The following DSCAM variants were observed in gnomAD, a reference collection of about 807,000 sequenced individuals.
The protein encoded by DSCAM is cell adhesion molecule DSCAM.
A neutral mutation model predicts 217.7 loss-of-function variants in DSCAM; 47 were observed. The ratio of observed to expected loss-of-function variants is 0.22; its 90% CI spans 0.17 to 0.28. The LOEUF (loss-of-function observed/expected upper bound fraction) is 0.28. DSCAM is among the 10% of genes least tolerant of loss of function. The pLI is 1.00. For synonymous variants in DSCAM, 1,056 were observed against 1,015.3 expected, an observed-to-expected ratio of 1.04 and a Z score of -0.76; for missense variants, 2,080 against 2,618.3, an observed-to-expected ratio of 0.79 and a Z score of 4.49.
At chr21:40,690,932 G>C (rs887829701) in intron 3 of DSCAM, among the ~76,000 whole-genome samples, 1 of 152,166 alleles carries the variant, frequency 6.6e-6, no homozygotes, top group African/African-American at 2.4e-5. Context: ...GGCCTACTTC[G>C]GGGTGGAGGG....
At chr21:40,773,944 T>C (rs1448444419) in intron 1 of DSCAM, among the ~76,000 whole-genome samples, 1 of 152,178 alleles carries the variant, frequency 6.6e-6, no homozygotes, top group African/African-American at 2.4e-5. Context: ...GAAGACACAG[T>C]AGAAGCTGGG....
At chr21:40,638,610 T>C (rs2089838145) in intron 3 of DSCAM, among the ~76,000 whole-genome samples, 1 of 152,172 alleles carries the variant, frequency 6.6e-6, no homozygotes, top group Non-Finnish European at 1.5e-5. Flanking sequence ...CATTCCCTGA[T>C]TTCAAGCACG....
intron 16 of DSCAM, among the ~76,000 whole-genome samples, chr21:40,156,287 C>CAGGGAGAGAGAG (rs1367145598): frequency 1.3e-5 from 1 of 75,700 alleles, no homozygotes; most frequent in African/African-American, 4.3e-5. Flanking sequence ...CAAACTAAGA[C>CAGGGAGAGAGAG]AGAGAGAGAG....
intron 3 of DSCAM, among the ~76,000 whole-genome samples, chr21:40,410,740 T>C (rs966634845): frequency 6.9e-6 from 1 of 145,042 alleles, no homozygotes; most frequent in African/African-American, 2.5e-5. Flanking sequence ...ACTGTTGATA[T>C]AGAATTCTCT....
intron 2 of DSCAM, among the ~76,000 whole-genome samples, chr21:40,700,720 ATTCT>A (rs1285360157): frequency 6.6e-4 from 98 of 148,432 alleles, no homozygotes; most frequent in Middle Eastern, 3.4e-3. Flanking sequence ...TATAATTTTT[ATTCT>A]TTCTTTCTTT....
At chr21:40,435,725 T>G (rs1214785563) in intron 3 of DSCAM, among the ~76,000 whole-genome samples, 3 of 152,256 alleles carry the variant, frequency 2.0e-5, no homozygotes, top group African/African-American at 7.2e-5. Flanking sequence ...GGTTCTCTAT[T>G]CAGTTTCACT....
At chr21:40,492,966 G>A (rs56315319) in intron 3 of DSCAM, among the ~76,000 whole-genome samples, 13,466 of 151,920 alleles carry the variant, frequency 0.089, 698 homozygotes, top group Middle Eastern at 0.16. Context: ...GACAAAGAGA[G>A]GAGCCTGAAA....
chr21:40,770,847 T>C (rs533028936), intron 1 of DSCAM, among the ~76,000 whole-genome samples: 1 of 152,348 alleles, frequency 6.6e-6, no homozygotes, highest in South Asian at 2.1e-4. Flanking sequence ...CTAGGAAAAC[T>C]TTTTAGTTGT....
intron 3 of DSCAM, among the ~76,000 whole-genome samples, chr21:40,539,716 G>A (rs1408516702): frequency 6.6e-6 from 1 of 152,012 alleles, no homozygotes; most frequent in African/African-American, 2.4e-5. Context: ...AAGATGAGAA[G>A]GGATATTATG....
intron 1 of DSCAM, among the ~76,000 whole-genome samples, chr21:40,818,909 G>A (rs2091905457): frequency 6.6e-6 from 1 of 152,110 alleles, no homozygotes; most frequent in Non-Finnish European, 1.5e-5. Flanking sequence ...TATAAAAAGA[G>A]CTTTTTCTGG....
chr21:40,827,635 G>A (rs878857761), intron 1 of DSCAM, among the ~76,000 whole-genome samples: 13 of 152,158 alleles, frequency 8.5e-5, no homozygotes, highest in African/African-American at 3.1e-4. Context: ...TGTCAGGTGA[G>A]TTGAAACAGC....
At chr21:40,791,574 A>AC (rs1455464555) in intron 1 of DSCAM, among the ~76,000 whole-genome samples, 2 of 152,126 alleles carry the variant, frequency 1.3e-5, no homozygotes, top group Admixed American at 1.3e-4. Flanking sequence ...AATGGCGTGA[A>AC]CCCAGGAGGT....
chr21:40,413,678 A>T (rs774695655), intron 3 of DSCAM, among the ~76,000 whole-genome samples: 1 of 152,248 alleles, frequency 6.6e-6, no homozygotes, highest in Non-Finnish European at 1.5e-5. Context: ...GAACAAAGTG[A>T]AAGGATTTAG....
At chr21:40,293,561 G>GT (rs1555900184) in intron 10 of DSCAM, among the ~76,000 whole-genome samples, 3 of 152,160 alleles carry the variant, frequency 2.0e-5, no homozygotes, top group Non-Finnish European at 2.9e-5. Context: ...TTAGATAAAC[G>GT]TAATTATTGA....
chr21:40,390,612 C>T (rs1229696428), intron 3 of DSCAM, among the ~76,000 whole-genome samples: 1 of 152,100 alleles, frequency 6.6e-6, no homozygotes, highest in African/African-American at 2.4e-5. Flanking sequence ...CGTACCTACT[C>T]CAATGCCTCA....
chr21:40,192,570 A>G (rs1053464365), intron 11 of DSCAM, among the ~76,000 whole-genome samples: 2 of 152,172 alleles, frequency 1.3e-5, no homozygotes, highest in Admixed American at 1.3e-4. Flanking sequence ...TCCTTCCTTT[A>G]TAAATTACCC....
intron 27 of DSCAM, among the ~76,000 whole-genome samples, chr21:40,064,116 G>GTATATATATATATATATA (rs35690892): frequency 2.7e-5 from 4 of 149,050 alleles, no homozygotes; most frequent in African/African-American, 9.9e-5. Flanking sequence ...CACTTACAAA[G>GTATATATATATATATATA]TATATATATA....
chr21:40,078,603 A>G (rs1441505068), intron 26 of DSCAM, 84 bp downstream of exon 26: 10 of 1,529,552 alleles, frequency 6.5e-6, no homozygotes, highest in South Asian at 1.3e-5. Context: ...TATGGCAAAG[A>G]TGATGTTCGA....
At chr21:40,483,647 AAATT>A (rs1463201151) in intron 3 of DSCAM, among the ~76,000 whole-genome samples, 3 of 152,138 alleles carry the variant, frequency 2.0e-5, no homozygotes, top group African/African-American at 7.2e-5. Context: ...TGTTTGTTGG[AAATT>A]ATTTATATAT....
Sources: gnomAD v4.1 joint callset for allele counts (sites outside exome capture counted in the v4.1 genomes callset) on GRCh38, gnomAD v4.1.1 for gene constraint, MANE v1.5 for transcripts, NCBI Gene and HGNC (gene_info 2026-07-23, HGNC 2026-07-21) for gene names.